DERA: variants seen among roughly 807,000 people sequenced by gnomAD.
DERA encodes the protein 2-deoxy-D-ribose 5-phosphate aldolase.
DERA carries 15 observed loss-of-function variants against 41.1 expected under a neutral mutation model. The observed-to-expected ratio is 0.37, with a 90% CI of 0.24 to 0.56. The LOEUF (loss-of-function observed/expected upper bound fraction) is 0.56. DERA is among the 20% of genes least tolerant of loss of function. The probability of loss-of-function intolerance (pLI) is 0.81; values close to 1 mark genes in which losing one functional copy is unlikely to be tolerated. For missense variants in DERA, 396 were observed against 403.4 expected (o/e 0.98, Z 0.16); for synonymous variants, 139 against 137.4 (o/e 1.01, Z -0.08).
rs1948831022 is a variant in DERA at position 15,995,523 on chromosome 12, T to A, written c.637+13087T>A. On this transcript the variant is annotated intron_variant, in intron 6 of 8. Coordinates refer to ENST00000428559, the MANE Select transcript of DERA (RefSeq NM_015954.4). The surrounding 1 kb of genome is among the most constrained non-coding windows in gnomAD (Gnocchi z 5.1). ...CAACTGCCACTTGAGTTCTGTACTT[T>A]TCTTCCAGACTCTCTTACCTAGGGT... Among the ~76,000 whole-genome samples, 1 of 152,192 alleles carries A rather than the reference T, an allele frequency of 6.6e-6. No homozygotes were observed. Among genetic ancestry groups the A allele is most frequent in the Non-Finnish European group, 1.5e-5 (1 of 68,040 alleles).
rs980943367 is a variant in DERA at position 15,985,891 on chromosome 12, A to G, written c.637+3455A>G. 2.6e-5 allele frequency among the ~76,000 whole-genome samples: 4 copies of G among 152,114 alleles called. No individual in the cohort carries two copies. The highest frequency in any genetic ancestry group is 4.4e-5 in the Non-Finnish European group (3 of 68,000). ...ATCGAATTGGTTGATAATGTTTTTC[A>G]GATCTAGTTTTGTTTTCTTTTTGGT... On this transcript the variant is annotated intron_variant, in intron 6 of 8. Transcript: ENST00000428559. The surrounding 1 kb of genome is among the most constrained non-coding windows in gnomAD (Gnocchi z 4.2).
At chr12:16,006,461 A>G (rs1025250810) in intron 6 of DERA, among the ~76,000 whole-genome samples, 4 of 152,236 alleles carry the variant, frequency 2.6e-5, no homozygotes, top group Non-Finnish European at 4.4e-5. Context: ...AACGTTACCT[A>G]TTAGTTAGTG....
chr12:15,950,683 C>G (rs955880967), intron 1 of DERA, among the ~76,000 whole-genome samples: 12 of 152,294 alleles, frequency 7.9e-5, no homozygotes, highest in South Asian at 2.1e-4. Flanking sequence ...CACGTGGGGT[C>G]CTGCTCAAAT....
In DERA at chr12:16,032,564, T is replaced by C; in HGVS notation, c.660T>C (p.Ser220=). The part of the protein sequence containing the change: ...MMAGSDFIKT[S]TGKETVNATF... ...TAGGATCAGATTTTATTAAGACCTC[T>C]ACTGGAAAAGAAACAGTAAATGCCA... The change falls in exon 7 of 9, where the codon TCT becomes TCC. Residue 220 remains serine, a synonymous_variant. Transcript: ENST00000428559. The C allele has an allele frequency of 6.5e-7, 1 of 1,549,622 alleles. No individual in the cohort carries two copies. Among genetic ancestry groups the C allele is most frequent in the Non-Finnish European group, 8.7e-7 (1 of 1,147,482 alleles).
rs535047740 is a variant in DERA at position 15,915,260 on chromosome 12, C to T, written c.31+3846C>T. On this transcript the variant is annotated intron_variant, in intron 1 of 8. Transcript: ENST00000428559. This position sits in a 1 kb window ranked among gnomAD's most constrained non-coding sequence, Gnocchi z 4.8. ...CTGTGCTTTAAATGGGTTGTGAAAACAGAATGTCCTGGGCCTTTTGCATTA... is the reference window on the plus strand; with the variant it reads ...CTGTGCTTTAAATGGGTTGTGAAAATAGAATGTCCTGGGCCTTTTGCATTA... 3.3e-5 allele frequency among the ~76,000 whole-genome samples: 5 copies of T among 152,126 alleles called. No homozygotes were observed. The South Asian group carries it at 1.0e-3, about 32-fold the overall frequency.
chr12:15,991,740 C>A (rs1299683632), intron 6 of DERA, among the ~76,000 whole-genome samples: 1 of 152,110 alleles, frequency 6.6e-6, no homozygotes, highest in African/African-American at 2.4e-5. Flanking sequence ...ATCTTCACAG[C>A]AACCCTATGA....
chr12:16,030,008 C>A (rs543403994), intron 6 of DERA, among the ~76,000 whole-genome samples: 11 of 147,066 alleles, frequency 7.5e-5, no homozygotes, highest in African/African-American at 2.5e-4. Flanking sequence ...CTGCAACCTC[C>A]ACCTCCCAGG....
rs1948518699 is a variant in DERA, at chr12:15,954,026, C to G, written c.32-2910C>G. Among the ~76,000 whole-genome samples, 1 of 152,128 alleles carries G rather than the reference C, an allele frequency of 6.6e-6. No homozygotes were observed. The highest frequency in any genetic ancestry group is 1.5e-5 in the Non-Finnish European group (1 of 68,026). On this transcript the variant is annotated intron_variant, in intron 1 of 8. Coordinates refer to ENST00000428559, the MANE Select transcript of DERA (RefSeq NM_015954.4). The surrounding 1 kb of genome is among the most constrained non-coding windows in gnomAD (Gnocchi z 4.0). ...GAGAGAAGAAATCCTATTACATTCT[C>G]CAGTAGATGGTTTGCAGGGACCTCT... is the stretch of plus-strand genomic sequence containing the variant.
chr12:15,946,472 C>G (rs1031026221), intron 1 of DERA, among the ~76,000 whole-genome samples: 8 of 152,156 alleles, frequency 5.3e-5, no homozygotes, highest in East Asian at 1.9e-4. Flanking sequence ...TGTATGTGTC[C>G]AGGAATTTAT....
Position 16,008,981 on chromosome 12 carries a change from A to G in DERA, c.638-23561A>G, listed in dbSNP as rs1948930953. Among the ~76,000 whole-genome samples, 1 of 152,252 alleles carries G rather than the reference A, an allele frequency of 6.6e-6. No homozygotes were observed. The highest frequency in any genetic ancestry group is 2.4e-5 in the African/African-American group (1 of 41,470). On this transcript the variant is annotated intron_variant, in intron 6 of 8. Coordinates refer to ENST00000428559, the MANE Select transcript of DERA (RefSeq NM_015954.4). This position sits in a 1 kb window ranked among gnomAD's most constrained non-coding sequence, Gnocchi z 4.8. ...CAGTTAAAAGCCTGGACTTTGAGTTAGAAAAACATGGATTCATGACACTTA... is the reference window on the plus strand; with the variant it reads ...CAGTTAAAAGCCTGGACTTTGAGTTGGAAAAACATGGATTCATGACACTTA...
Position 16,014,167 on chromosome 12 carries a change from A to G in DERA, c.638-18375A>G, listed in dbSNP as rs983668853. Reference sequence around the variant, plus strand: ...CAGCCTGATGATGTGATAGAAAAAAACCCACTTTCTGAGGAGAAATTCAAG... The same window carrying G: ...CAGCCTGATGATGTGATAGAAAAAAGCCCACTTTCTGAGGAGAAATTCAAG... On this transcript the variant is annotated intron_variant, in intron 6 of 8. Transcript: ENST00000428559. The surrounding 1 kb of genome is among the most constrained non-coding windows in gnomAD (Gnocchi z 5.4). Among the ~76,000 whole-genome samples, 17 of 152,312 alleles carry G rather than the reference A, an allele frequency of 1.1e-4. No homozygotes were observed. In the South Asian group the frequency reaches 3.5e-3, roughly 32 times the overall value.
rs1202880362 is a variant in DERA at position 16,032,629 on chromosome 12, A to G, written c.725A>G (p.Asp242Gly). The stretch of plus-strand genomic sequence containing the variant: ...ATAGTAATGCTGCGGGCCATTAGAG[A>G]TTTCTTCTGGAAAACTGGAAACAAG... ...VAIVMLRAIR[D>G]FFWKTGNKIG... The change falls in exon 7 of 9, where the codon GAT becomes GGT. Residue 242 changes from aspartate (D) to glycine (G), a missense_variant. By Grantham distance (94) the Asp-to-Gly change is moderately conservative. Transcript: ENST00000428559. The G allele has an allele frequency of 6.4e-7, 1 of 1,563,072 alleles. No homozygotes were observed. The highest frequency in any genetic ancestry group is 8.7e-7 in the Non-Finnish European group (1 of 1,152,106).
In DERA at chr12:15,988,487, A is replaced by C. The variant is rs767293925; in HGVS notation, c.637+6051A>C. ...CCTGTAGTGGGTAGCTCCTTTTTGC[A>C]GGCAGGTCGTCCCTGTGAGTGTGTG... On this transcript the variant is annotated intron_variant, in intron 6 of 8. Coordinates refer to ENST00000428559, the MANE Select transcript of DERA (RefSeq NM_015954.4). The surrounding 1 kb of genome is among the most constrained non-coding windows in gnomAD (Gnocchi z 6.0). 2.6e-4 allele frequency among the ~76,000 whole-genome samples: 39 copies of C among 152,152 alleles called. No individual in the cohort carries two copies. The highest frequency in any genetic ancestry group is 5.1e-4 in the Non-Finnish European group (35 of 68,020).
At chr12:15,946,593 G>A (rs926676620) in intron 1 of DERA, among the ~76,000 whole-genome samples, 21 of 150,844 alleles carry the variant, frequency 1.4e-4, no homozygotes, top group African/African-American at 5.1e-4. Flanking sequence ...TTTTTTTATT[G>A]CATCTATTTG....
intron 1 of DERA, among the ~76,000 whole-genome samples, chr12:15,933,666 T>A (rs926562556): frequency 6.6e-6 from 1 of 152,200 alleles, no homozygotes; most frequent in Non-Finnish European, 1.5e-5. Context: ...TTTACCGTTG[T>A]TACTGTTTTG....
At position 15,940,602 on chromosome 12, in the gene DERA, C is replaced by T. The variant is rs1445699009; in HGVS notation, c.32-16334C>T. ...TCCTGACCTCGTGATCTGCCCTCCT[C>T]GACCTCCCAAAATGCTGGGATTACA... On this transcript the variant is annotated intron_variant, in intron 1 of 8. Transcript: ENST00000428559. The surrounding 1 kb of genome is among the most constrained non-coding windows in gnomAD (Gnocchi z 5.1). Among the ~76,000 whole-genome samples, 3 of 152,156 alleles carry T rather than the reference C, an allele frequency of 2.0e-5. No individual in the cohort carries two copies. Among genetic ancestry groups the T allele is most frequent in the Non-Finnish European group, 2.9e-5 (2 of 68,040 alleles).
rs993161711 is a variant in DERA, at chr12:16,004,748, T to C, written c.637+22312T>C. ...TTCAAAAACCAAGGTGGATTATGTT[T>C]ATTAAATGTTTTTAAAAATTTAAAA... On this transcript the variant is annotated intron_variant, in intron 6 of 8. Transcript: ENST00000428559. This position sits in a 1 kb window ranked among gnomAD's most constrained non-coding sequence, Gnocchi z 4.2. Among the ~76,000 whole-genome samples the C allele has an allele frequency of 6.6e-6, 1 of 152,190 alleles. No individual in the cohort carries two copies. Among genetic ancestry groups the C allele is most frequent in the African/African-American group, 2.4e-5 (1 of 41,456 alleles).
At chr12:16,033,871 A>C (rs189980531) in intron 7 of DERA, among the ~76,000 whole-genome samples, 11 of 152,280 alleles carry the variant, frequency 7.2e-5, no homozygotes, top group Non-Finnish European at 1.5e-4. Flanking sequence ...CGAATAGGAT[A>C]AATATCTATT....
At position 15,972,973 on chromosome 12, in the gene DERA, C is replaced by T. The variant is rs977459767; in HGVS notation, c.509-9335C>T. Among the ~76,000 whole-genome samples the T allele has an allele frequency of 8.5e-5, 13 of 152,112 alleles. No homozygotes were observed. The highest frequency in any genetic ancestry group is 4.1e-4 in the South Asian group (2 of 4,820). On this transcript the variant is annotated intron_variant, in intron 5 of 8. Transcript: ENST00000428559. This position sits in a 1 kb window ranked among gnomAD's most constrained non-coding sequence, Gnocchi z 4.4. ...ACATGCAGTCTGACCCCTTTCCCTC[C>T]TTTCCACTCCTTGGATCCACACTCT... is the stretch of plus-strand genomic sequence containing the variant.
Sources: allele counts gnomAD v4.1 joint callset (sites outside exome capture counted in the v4.1 genomes callset), GRCh38; gene constraint gnomAD v4.1.1; non-coding constraint Gnocchi (gnomAD v3.1); transcripts MANE v1.5; gene names NCBI Gene and HGNC (gene_info 2026-07-23, HGNC 2026-07-21).